AXDND1: variants seen among roughly 807,000 people sequenced by gnomAD.
The protein encoded by AXDND1 is axonemal dynein light chain domain-containing protein 1.
A neutral mutation model predicts 137.5 loss-of-function variants in AXDND1; 110 were observed. The observed-to-expected ratio is 0.80, with a 90% CI of 0.69 to 0.94. The LOEUF is 0.94. Among genes scored for constraint, AXDND1 ranks in the 40% least tolerant of loss-of-function variants. AXDND1 has a pLI of 0.00. For synonymous variants in AXDND1, 414 were observed against 399.7 expected (o/e 1.04, Z -0.43); for missense variants, 1,191 against 1,169.8 (o/e 1.02, Z -0.26).
chr1:179,370,679 T>C (rs1571509220), intron 4 of AXDND1, among the ~76,000 whole-genome samples: 1 of 152,248 alleles, frequency 6.6e-6, no homozygotes, highest in East Asian at 1.9e-4. Context: ...TAGTTTTCTA[T>C]GTATTGTCCA....
chr1:179,480,971 A>AT (rs1665295524), intron 17 of AXDND1, among the ~76,000 whole-genome samples: 1 of 140,750 alleles, frequency 7.1e-6, no homozygotes, highest in Admixed American at 7.7e-5. Flanking sequence ...ATTCATTTTT[A>AT]TTTTTTTATT....
At chr1:179,455,274 C>CA (rs1204381530) in intron 16 of AXDND1, 1,972 of 49,444 alleles carry the variant, frequency 0.04, 79 homozygotes, top group African/African-American at 0.12. Context: ...GACTCTGTTT[C>CA]AAAAAAAAAA....
chr1:179,382,434 CCTTTGAG>C (rs1648527243), intron 6 of AXDND1, among the ~76,000 whole-genome samples: 1 of 152,154 alleles, frequency 6.6e-6, no homozygotes, highest in Non-Finnish European at 1.5e-5. Flanking sequence ...AAAGGCTGCT[CCTTTGAG>C]CTTTCTCTTG....
At chr1:179,522,247 C>T (rs1201158432) in intron 21 of AXDND1, among the ~76,000 whole-genome samples, 1 of 152,132 alleles carries the variant, frequency 6.6e-6, no homozygotes, top group Non-Finnish European at 1.5e-5. Flanking sequence ...AATTTGCCCT[C>T]CAATTGAATT....
rs1418009319 is a variant in AXDND1, at chr1:179,382,704, T to C, written c.586T>C (p.Tyr196His). 6.2e-7 allele frequency: 1 copy of C among 1,601,148 alleles called. No individual in the cohort carries two copies. Among genetic ancestry groups the C allele is most frequent in the Non-Finnish European group, 8.6e-7 (1 of 1,168,818 alleles). ...VSGLECYDDKYTTLLTDSENR... is the reference protein window; with the variant it reads ...VSGLECYDDKHTTLLTDSENR... Reference sequence around the variant, plus strand: ...TACCTATCTTATTTATTGTAGCAAATACACTACTCTCCTCACAGATAGTGA... The same window carrying C: ...TACCTATCTTATTTATTGTAGCAAACACACTACTCTCCTCACAGATAGTGA... Residue 196 changes from tyrosine (Y) to histidine (H), a missense_variant, in exon 7 of 26, where the codon TAC becomes CAC. Coordinates refer to ENST00000367618, the MANE Select transcript of AXDND1 (RefSeq NM_144696.6).
intron 4 of AXDND1, among the ~76,000 whole-genome samples, chr1:179,372,495 G>A (rs1407008027): frequency 6.6e-6 from 1 of 152,158 alleles, no homozygotes; most frequent in African/African-American, 2.4e-5. Flanking sequence ...TAATCTGGGG[G>A]CTGAAGAACG....
At chr1:179,481,384 T>C (rs1262634142) in intron 17 of AXDND1, among the ~76,000 whole-genome samples, 1 of 152,200 alleles carries the variant, frequency 6.6e-6, no homozygotes, top group Non-Finnish European at 1.5e-5. Flanking sequence ...AGTCTATCAT[T>C]GTTGGACATT....
At position 179,505,339 on chromosome 1, in the gene AXDND1, G is replaced by A. The variant is rs1176618416; in HGVS notation, c.2389-3957G>A. Reference sequence around the variant, plus strand: ...TCTTTCCAGCCAAGGAGATTTGCATGATGCTGGACAGGGTTCAGAACTGAG... The same window carrying A: ...TCTTTCCAGCCAAGGAGATTTGCATAATGCTGGACAGGGTTCAGAACTGAG... On this transcript the variant is annotated intron_variant, in intron 20 of 25. Transcript: ENST00000367618. Among the ~76,000 whole-genome samples, 6 of 152,286 alleles carry A rather than the reference G, an allele frequency of 3.9e-5. No individual in the cohort carries two copies. In the East Asian group the frequency reaches 1.2e-3, roughly 29 times the overall value.
At chr1:179,507,280 A>G (rs1314639595) in intron 20 of AXDND1, among the ~76,000 whole-genome samples, 1 of 152,172 alleles carries the variant, frequency 6.6e-6, no homozygotes, top group Non-Finnish European at 1.5e-5. Flanking sequence ...AAACTTGCTG[A>G]ACTCTATAGA....
At chr1:179,423,662 AAG>A (rs1295585106) in intron 12 of AXDND1, among the ~76,000 whole-genome samples, 1 of 152,058 alleles carries the variant, frequency 6.6e-6, no homozygotes, top group African/African-American at 2.4e-5. Context: ...TTTTTAAAAA[AAG>A]AGATGACAAT....
At chr1:179,488,632 CTCCTTTCTTTCTT>C (rs767479412) in intron 18 of AXDND1, among the ~76,000 whole-genome samples, 1,753 of 63,112 alleles carry the variant, frequency 0.028, 130 homozygotes, top group East Asian at 0.047. Context: ...CTCTCTCTCT[CTCCTTTCTTTCTT>C]TCTTTCTTTC....
intron 23 of AXDND1, among the ~76,000 whole-genome samples, chr1:179,532,007 T>A (rs1671081371): frequency 2.0e-5 from 3 of 152,178 alleles, no homozygotes; most frequent in Admixed American, 2.0e-4. Flanking sequence ...TAATTAGCCT[T>A]GAGGCATCTG....
intron 20 of AXDND1, among the ~76,000 whole-genome samples, chr1:179,498,910 A>G (rs114212678): frequency 0.036 from 4,575 of 127,104 alleles, 256 homozygotes; most frequent in African/African-American, 0.11. Flanking sequence ...TAGCTTATAA[A>G]AAGTCAAAAA....
At chr1:179,403,145 A>G (rs1184180783) in intron 11 of AXDND1, among the ~76,000 whole-genome samples, 3 of 152,176 alleles carry the variant, frequency 2.0e-5, no homozygotes, top group Non-Finnish European at 4.4e-5. Flanking sequence ...TTTGCATGTT[A>G]TATATATATT....
intron 23 of AXDND1, among the ~76,000 whole-genome samples, chr1:179,533,482 A>AT (rs1009607867): frequency 1.7e-4 from 26 of 152,028 alleles, no homozygotes; most frequent in Non-Finnish European, 1.3e-4. Flanking sequence ...CCTTCTCCTT[A>AT]TTTTTTAAAT....
At chr1:179,442,474 G>A (rs1659129000) in intron 15 of AXDND1, among the ~76,000 whole-genome samples, 1 of 152,212 alleles carries the variant, frequency 6.6e-6, no homozygotes. Flanking sequence ...GTGCCTGCCT[G>A]TGGAAACCAT....
intron 12 of AXDND1, among the ~76,000 whole-genome samples, chr1:179,414,657 A>G (rs765237271): frequency 8.6e-5 from 13 of 151,944 alleles, no homozygotes; most frequent in Non-Finnish European, 1.6e-4. Context: ...GATCTCCTGA[A>G]CTCGTGATCC....
chr1:179,539,947 A>G (rs904344660), intron 25 of AXDND1, among the ~76,000 whole-genome samples: 1 of 151,550 alleles, frequency 6.6e-6, no homozygotes, highest in Non-Finnish European at 1.5e-5. Flanking sequence ...TTTGATCTTC[A>G]ATCACTGATA....
chr1:179,366,769 T>A (rs564724544), intron 2 of AXDND1, among the ~76,000 whole-genome samples, 163 bp downstream of exon 2: 1 of 136,592 alleles, frequency 7.3e-6, no homozygotes, highest in African/African-American at 3.1e-5. Flanking sequence ...TTTTACAGTA[T>A]TTTGAGTCAG....
Sources: gnomAD v4.1 joint callset for allele counts (sites outside exome capture counted in the v4.1 genomes callset) on GRCh38, gnomAD v4.1.1 for gene constraint, MANE v1.5 for transcripts, NCBI Gene and HGNC (gene_info 2026-07-23, HGNC 2026-07-21) for gene names.